ARHGAP31: variants seen among roughly 807,000 people sequenced by gnomAD.
The protein encoded by ARHGAP31 is Rho GTPase activating protein 31.
Under a neutral mutation model 113.9 loss-of-function variants are expected in ARHGAP31, and 34 were observed. That is an observed-to-expected ratio of 0.30 (90% CI 0.23 to 0.40). The LOEUF (loss-of-function observed/expected upper bound fraction) is 0.40. Ranked by LOEUF, ARHGAP31 falls within the 10% of genes least tolerant of loss-of-function variation. ARHGAP31 has a pLI of 1.00. For synonymous variants in ARHGAP31, 650 were observed against 684.8 expected (o/e 0.95, Z 0.79); for missense variants, 1,548 against 1,767.1 (o/e 0.88, Z 2.22).
At position 119,419,553 on chromosome 3, in the gene ARHGAP31, T is replaced by TTTCA. The variant is rs1410237257; in HGVS notation, c.*3289_*3290insTTCA. 2.0e-5 allele frequency: 3 copies of TTTCA among 151,738 alleles called. No individual in the cohort carries two copies. The highest frequency in any genetic ancestry group is 4.4e-5 in the Non-Finnish European group (3 of 67,934). 9.4% of individuals were successfully genotyped at this position (151,738 alleles called of 1,614,324 possible). On this transcript the variant is annotated 3_prime_UTR_variant, in exon 12 of 12. Coordinates refer to ENST00000264245, the MANE Select transcript of ARHGAP31 (RefSeq NM_020754.4). ...TTAGCACTCCCAAATCATTCAAGAG[T>TTTCA]CTAGTGAAAAAGGGGGAGGGATGGC...
chr3:119,404,278 CCT>C (rs1300490303), intron 10 of ARHGAP31, among the ~76,000 whole-genome samples: 1 of 152,136 alleles, frequency 6.6e-6, no homozygotes, highest in Non-Finnish European at 1.5e-5. Flanking sequence ...CGTTTTTCCC[CCT>C]CTCTCCTCTC....
In ARHGAP31 at chr3:119,390,949, C is replaced by T; in HGVS notation, c.847C>T (p.Leu283Phe). ...LPEIVPPMGT[L>F]FHTVLELPDN... ...TGAGATTGTCCCTCCCATGGGCACC[C>T]TCTTCCACACTGTCCTTGAGTTACC... Residue 283 changes from leucine (L) to phenylalanine (F), a missense_variant, in exon 7 of 12, where the codon CTC (leucine) becomes TTC (phenylalanine). Physicochemically the swap from Leu to Phe is conservative, Grantham distance 22. Transcript: ENST00000264245. 1.2e-6 allele frequency: 2 copies of T among 1,614,196 alleles called. No individual in the cohort carries two copies. The highest frequency in any genetic ancestry group is 1.7e-6 in the Non-Finnish European group (2 of 1,180,050).
intron 1 of ARHGAP31, among the ~76,000 whole-genome samples, chr3:119,349,230 C>G (rs1046398358): frequency 6.6e-6 from 1 of 152,172 alleles, no homozygotes; most frequent in Non-Finnish European, 1.5e-5. Context: ...CTCTAAAATA[C>G]TTTACATCTT....
intron 1 of ARHGAP31, among the ~76,000 whole-genome samples, chr3:119,318,545 G>A (rs1233706581): frequency 6.6e-6 from 1 of 152,132 alleles, no homozygotes; most frequent in Non-Finnish European, 1.5e-5. Flanking sequence ...AGCAAATTAA[G>A]GAGATACTTT....
intron 3 of ARHGAP31, among the ~76,000 whole-genome samples, chr3:119,370,459 G>A (rs183076772): frequency 6.6e-6 from 1 of 152,234 alleles, no homozygotes; most frequent in Non-Finnish European, 1.5e-5. Flanking sequence ...AAGTAATACA[G>A]AAATGTATAA....
intron 10 of ARHGAP31, among the ~76,000 whole-genome samples, chr3:119,407,767 A>G (rs551699290): frequency 2.6e-5 from 4 of 152,176 alleles, no homozygotes; most frequent in Non-Finnish European, 4.4e-5. Context: ...ACCAGAGCAG[A>G]AGAGTGCAAG....
intron 1 of ARHGAP31, among the ~76,000 whole-genome samples, chr3:119,319,780 T>TA (rs2079766173): frequency 6.6e-6 from 1 of 152,208 alleles, no homozygotes; most frequent in Admixed American, 6.5e-5. Context: ...GTCAAGTTGT[T>TA]AGAGGAAGGC....
intron 1 of ARHGAP31, among the ~76,000 whole-genome samples, chr3:119,309,888 A>C (rs1367675027): frequency 6.6e-6 from 1 of 151,898 alleles, no homozygotes; most frequent in East Asian, 1.9e-4. Flanking sequence ...GAGCACTTTG[A>C]GTTAGGTAAT....
At chr3:119,329,678 C>G (rs1307328742) in intron 1 of ARHGAP31, 2 of 490,888 alleles carry the variant, frequency 4.1e-6, no homozygotes, top group Non-Finnish European at 5.3e-6. Flanking sequence ...CCAGCTGTAT[C>G]CAAGGTTACA....
chr3:119,408,052 AGAGATAAGCAAC>A (rs2080681584), intron 10 of ARHGAP31, among the ~76,000 whole-genome samples: 10 of 152,156 alleles, frequency 6.6e-5, no homozygotes, highest in African/African-American at 2.4e-4. Context: ...TAAGCAACCT[AGAGATAAGCAAC>A]CTAGAGATAA....
At chr3:119,405,604 T>C (rs2107642609) in intron 10 of ARHGAP31, among the ~76,000 whole-genome samples, 1 of 152,238 alleles carries the variant, frequency 6.6e-6, no homozygotes, top group East Asian at 1.9e-4. Context: ...TGTCACTAGA[T>C]GGAAAACCAT....
intron 1 of ARHGAP31, among the ~76,000 whole-genome samples, chr3:119,362,191 G>C (rs574431031): frequency 6.6e-6 from 1 of 152,262 alleles, no homozygotes; most frequent in South Asian, 2.1e-4. Context: ...AGAGTCCAAG[G>C]CTTTTGTGCT....
intron 1 of ARHGAP31, among the ~76,000 whole-genome samples, chr3:119,350,009 G>T (rs78771654): frequency 6.6e-6 from 1 of 152,122 alleles, no homozygotes; most frequent in African/African-American, 2.4e-5. Context: ...TAATAGAAGG[G>T]GATGAGATTT....
intron 2 of ARHGAP31, among the ~76,000 whole-genome samples, 164 bp from the exon 3 acceptor site, chr3:119,368,208 C>T (rs1171425763): frequency 6.6e-6 from 1 of 152,184 alleles, no homozygotes; most frequent in Non-Finnish European, 1.5e-5. Context: ...GGAAGTCTTC[C>T]TGTGACTTCC....
chr3:119,328,023 T>C, intron 1 of ARHGAP31, among the ~76,000 whole-genome samples: 1 of 152,154 alleles, frequency 6.6e-6, no homozygotes, highest in East Asian at 1.9e-4. Context: ...TAAATTGCCT[T>C]CCCAAGGATC....
rs2080736006 is a variant in ARHGAP31, at chr3:119,413,389, C to CT, written c.1927-465dup. On this transcript the variant is annotated intron_variant, in intron 11 of 11. Coordinates refer to ENST00000264245, the MANE Select transcript of ARHGAP31 (RefSeq NM_020754.4). Reference sequence around the variant, plus strand: ...TTGGAAAGCAGGTGTCAGGGTAAGACTTAACATTTTCATTCCACTGGAAGA... The same window carrying CT: ...TTGGAAAGCAGGTGTCAGGGTAAGACTTTAACATTTTCATTCCACTGGAAGA... Among the ~76,000 whole-genome samples the CT allele has an allele frequency of 2.0e-5, 3 of 151,346 alleles. No individual in the cohort carries two copies. In the East Asian group the frequency reaches 5.8e-4, roughly 29 times the overall value.
intron 1 of ARHGAP31, among the ~76,000 whole-genome samples, chr3:119,297,557 A>G (rs1022138792): frequency 1.3e-5 from 2 of 152,246 alleles, no homozygotes; most frequent in African/African-American, 4.8e-5. Context: ...GGAGAAGACC[A>G]AAGATTTAGG....
In ARHGAP31 at chr3:119,409,534, G is replaced by A; in HGVS notation, c.1684G>A (p.Ala562Thr). The A allele has an allele frequency of 1.2e-6, 2 of 1,614,206 alleles. No individual in the cohort carries two copies. The highest frequency in any genetic ancestry group is 1.7e-6 in the Non-Finnish European group (2 of 1,180,036). Residue 562 changes from alanine to threonine, a missense_variant, in exon 11 of 12, where the codon GCA (alanine) becomes ACA (threonine). By Grantham distance (58) the Ala-to-Thr change is moderately conservative. Transcript: ENST00000264245. ...GAAGGCAGGTCTTGAGGATGCCAAG[G>A]CAGTACCTGAAGCACCGGGGACAGT... The part of the protein sequence containing the change: ...PKKAGLEDAK[A>T]VPEAPGTVEC...
chr3:119,349,854 C>T (rs2080095949), intron 1 of ARHGAP31, among the ~76,000 whole-genome samples: 1 of 152,066 alleles, frequency 6.6e-6, no homozygotes, highest in Admixed American at 6.5e-5. Flanking sequence ...ATGAGAACCT[C>T]CAGGAGAATG....
Sources: allele counts gnomAD v4.1 joint callset (sites outside exome capture counted in the v4.1 genomes callset), GRCh38; gene constraint gnomAD v4.1.1; transcripts MANE v1.5; gene names NCBI Gene and HGNC (gene_info 2026-07-23, HGNC 2026-07-21).